The following CADPS2 variants were observed in gnomAD, a reference collection of about 807,000 sequenced individuals.
CADPS2 encodes the protein calcium-dependent secretion activator 2.
CADPS2 carries 93 observed loss-of-function variants against 172.5 expected under a neutral mutation model. The observed-to-expected ratio is 0.54, with a 90% CI of 0.46 to 0.64. CADPS2 has a LOEUF of 0.64. CADPS2 is among the 30% of genes least tolerant of loss of function. The probability of loss-of-function intolerance (pLI) is 0.00; values close to 1 mark genes in which losing one functional copy is unlikely to be tolerated. For missense variants in CADPS2, 1,420 were observed against 1,565.9 expected (o/e 0.91, Z 1.57); for synonymous variants, 546 against 555.2 (o/e 0.98, Z 0.23).
At chr7:122,385,747 T>C (rs1398172695) in intron 24 of CADPS2, among the ~76,000 whole-genome samples, 1 of 151,852 alleles carries the variant, frequency 6.6e-6, no homozygotes, top group East Asian at 1.9e-4. Flanking sequence ...AGGCCATGAG[T>C]GGGAGGAAAG....
At chr7:122,400,461 CA>C (rs1342103029) in intron 20 of CADPS2, among the ~76,000 whole-genome samples, 1 of 151,222 alleles carries the variant, frequency 6.6e-6, no homozygotes, top group Non-Finnish European at 1.5e-5. Context: ...AAAACAAAAA[CA>C]AAACAAAACT....
chr7:122,766,217 T>C (rs1051257604), intron 1 of CADPS2, among the ~76,000 whole-genome samples: 2 of 151,996 alleles, frequency 1.3e-5, no homozygotes, highest in Admixed American at 1.3e-4. Context: ...TCATGAGGAA[T>C]CCACCCCCAT....
At chr7:122,431,155 A>G (rs961014684) in intron 17 of CADPS2, among the ~76,000 whole-genome samples, 2 of 152,194 alleles carry the variant, frequency 1.3e-5, no homozygotes, top group Admixed American at 1.3e-4. Flanking sequence ...GGTTTGAAAG[A>G]CTTTTTGCAA....
At chr7:122,621,263 T>C (rs989676418) in intron 5 of CADPS2, among the ~76,000 whole-genome samples, 1 of 152,198 alleles carries the variant, frequency 6.6e-6, no homozygotes, top group African/African-American at 2.4e-5. Flanking sequence ...TTAAAACTTC[T>C]ATTATTTTAT....
At chr7:122,876,805 A>G (rs1295356411) in intron 1 of CADPS2, among the ~76,000 whole-genome samples, 1 of 152,204 alleles carries the variant, frequency 6.6e-6, no homozygotes, top group Non-Finnish European at 1.5e-5. Context: ...TGCAATTATC[A>G]TATTTTAATT....
chr7:122,555,518 G>A (rs2064925927), intron 7 of CADPS2, among the ~76,000 whole-genome samples: 1 of 152,014 alleles, frequency 6.6e-6, no homozygotes, highest in Non-Finnish European at 1.5e-5. Context: ...GAAGTGCACT[G>A]CATTATATTT....
chr7:122,430,874 A>G (rs1585956924), intron 17 of CADPS2, among the ~76,000 whole-genome samples: 1 of 152,352 alleles, frequency 6.6e-6, no homozygotes, highest in Admixed American at 6.5e-5. Flanking sequence ...GAGAATTGGA[A>G]GAATTCCCAA....
chr7:122,654,610 A>T (rs1255736169), intron 3 of CADPS2, among the ~76,000 whole-genome samples: 1 of 152,210 alleles, frequency 6.6e-6, no homozygotes, highest in Non-Finnish European at 1.5e-5. Context: ...AAGAAAATAA[A>T]GATTCCTTTC....
intron 15 of CADPS2, among the ~76,000 whole-genome samples, chr7:122,442,469 C>G (rs2051483035): frequency 1.3e-5 from 2 of 152,156 alleles, no homozygotes; most frequent in South Asian, 4.1e-4. Flanking sequence ...ACTTAGAAAT[C>G]TGCAAACTAA....
At chr7:122,878,568 A>G (rs1821945085) in intron 1 of CADPS2, among the ~76,000 whole-genome samples, 1 of 151,412 alleles carries the variant, frequency 6.6e-6, no homozygotes, top group Non-Finnish European at 1.5e-5. Flanking sequence ...TGAACCCAGG[A>G]GGTGGAGCTT....
chr7:122,499,757 T>C (rs1327859060), intron 9 of CADPS2, among the ~76,000 whole-genome samples: 2 of 152,204 alleles, frequency 1.3e-5, no homozygotes, highest in Non-Finnish European at 2.9e-5. Context: ...ATCCTTAAGT[T>C]ATAATTATTC....
At chr7:122,812,841 G>A (rs998102130) in intron 1 of CADPS2, among the ~76,000 whole-genome samples, 3 of 152,072 alleles carry the variant, frequency 2.0e-5, no homozygotes, top group African/African-American at 7.2e-5. Context: ...TACCATTACA[G>A]CCATTTTTAA....
chr7:122,644,214 C>T (rs2078043673), intron 3 of CADPS2, among the ~76,000 whole-genome samples: 1 of 152,202 alleles, frequency 6.6e-6, no homozygotes, highest in African/African-American at 2.4e-5. Flanking sequence ...CGGGACTTCC[C>T]ACATTCTATA....
At chr7:122,390,900 G>A (rs1333591887) in intron 22 of CADPS2, among the ~76,000 whole-genome samples, 1 of 151,822 alleles carries the variant, frequency 6.6e-6, no homozygotes, top group African/African-American at 2.4e-5. Flanking sequence ...AATGCCAGCA[G>A]GAAACTTAAC....
chr7:122,667,605 G>C (rs561252593), intron 2 of CADPS2, among the ~76,000 whole-genome samples: 1 of 152,172 alleles, frequency 6.6e-6, no homozygotes, highest in African/African-American at 2.4e-5. Context: ...GAGAGAGACA[G>C]GATACACATG....
At chr7:122,612,007 C>T (rs2133800524) in intron 6 of CADPS2, among the ~76,000 whole-genome samples, 1 of 152,102 alleles carries the variant, frequency 6.6e-6, no homozygotes, top group Non-Finnish European at 1.5e-5. Flanking sequence ...CAAAATCAAA[C>T]ACCTTTTCAT....
At chr7:122,436,855 CAAAGAT>C (rs908590987) in intron 17 of CADPS2, among the ~76,000 whole-genome samples, 3 of 152,016 alleles carry the variant, frequency 2.0e-5, no homozygotes, top group Admixed American at 6.5e-5. Context: ...CTATAAAATA[CAAAGAT>C]AAAGTGCACT....
intron 17 of CADPS2, among the ~76,000 whole-genome samples, chr7:122,437,929 A>T (rs1273458974): frequency 6.6e-6 from 1 of 152,162 alleles, no homozygotes; most frequent in Non-Finnish European, 1.5e-5. Flanking sequence ...ATAATCAACA[A>T]GTTTCTTTTT....
intron 15 of CADPS2, among the ~76,000 whole-genome samples, chr7:122,443,297 T>C (rs2051623424): frequency 6.6e-6 from 1 of 152,210 alleles, no homozygotes; most frequent in Admixed American, 6.5e-5. Flanking sequence ...AGAAAATAAC[T>C]ACATAGAAGC....
Sources: allele counts gnomAD v4.1 joint callset (sites outside exome capture counted in the v4.1 genomes callset), GRCh38; gene constraint gnomAD v4.1.1; transcripts MANE v1.5; gene names NCBI Gene and HGNC (gene_info 2026-07-23, HGNC 2026-07-21).